SPTBN1: variants seen among roughly 807,000 people sequenced by gnomAD.
SPTBN1 encodes spectrin beta chain, non-erythrocytic 1.
A neutral mutation model predicts 266.4 loss-of-function variants in SPTBN1; 32 were observed. The ratio of observed to expected loss-of-function variants is 0.12; its 90% CI spans 0.09 to 0.16. SPTBN1 has a LOEUF of 0.16. SPTBN1 is among the 10% of genes least tolerant of loss of function. SPTBN1 has a pLI of 1.00. For synonymous variants in SPTBN1, 1,336 were observed against 1,162.2 expected (o/e 1.15, Z -3.04); for missense variants, 2,296 against 3,067.1 (o/e 0.75, Z 5.94).
At chr2:54,520,964 G>A (rs1670401714) in intron 1 of SPTBN1, among the ~76,000 whole-genome samples, 1 of 152,218 alleles carries the variant, frequency 6.6e-6, no homozygotes, top group African/African-American at 2.4e-5. Flanking sequence ...ACCAGGCAGA[G>A]TTCCAAGATG....
Position 54,670,635 on chromosome 2 carries a change from C to G in SPTBN1, c.*2066C>G. On this transcript the variant is annotated 3_prime_UTR_variant, in exon 36 of 36. Transcript: ENST00000356805. The stretch of plus-strand genomic sequence containing the variant: ...GGAAACAATTGTGATTAATTACAGT[C>G]TTGTACTCTTGACAAAGCTGTGCAG... The G allele has an allele frequency of 5.0e-6, 2 of 398,610 alleles. No individual in the cohort carries two copies. The highest frequency in any genetic ancestry group is 3.6e-5 in the East Asian group (1 of 28,086). The allele number at this position is 398,610 out of a possible 1,614,324, so 24.7% of individuals were successfully genotyped here. A position where few individuals can be genotyped will look rare whatever the true frequency, so the allele number is the denominator to read the frequency against.
chr2:54,600,332 G>T (rs935294233), intron 3 of SPTBN1, among the ~76,000 whole-genome samples: 2 of 152,156 alleles, frequency 1.3e-5, no homozygotes, highest in African/African-American at 4.8e-5. Flanking sequence ...AGATAGTGAA[G>T]CCCTGTCTTC....
At chr2:54,481,821 G>A (rs763168800) in intron 1 of SPTBN1, among the ~76,000 whole-genome samples, 16 of 152,134 alleles carry the variant, frequency 1.1e-4, no homozygotes, top group Non-Finnish European at 2.1e-4. Context: ...TTGGAGGTGT[G>A]TTTTATTGTT....
chr2:54,636,410 C>T (rs1356540206), intron 17 of SPTBN1, among the ~76,000 whole-genome samples: 1 of 152,132 alleles, frequency 6.6e-6, no homozygotes, highest in Non-Finnish European at 1.5e-5. Flanking sequence ...TTCTACTGTT[C>T]TGTAGCCACT....
At chr2:54,492,619 T>C (rs986847283) in intron 1 of SPTBN1, among the ~76,000 whole-genome samples, 1 of 152,162 alleles carries the variant, frequency 6.6e-6, no homozygotes, top group South Asian at 2.1e-4. Context: ...GGGGTTTGGT[T>C]TTTACTGAAA....
intron 18 of SPTBN1, among the ~76,000 whole-genome samples, chr2:54,639,857 G>T (rs993599718): frequency 1.1e-4 from 16 of 152,180 alleles, no homozygotes; most frequent in African/African-American, 3.4e-4. Context: ...TTTGGGTGGG[G>T]CTTTTTATGT....
In SPTBN1 at chr2:54,668,545, C is replaced by T. The variant is rs2229505; in HGVS notation, c.7071C>T (p.Phe2357=). Residue 2357 remains phenylalanine (F), a synonymous_variant, in exon 36 of 36, where the codon TTC becomes TTT. Transcript: ENST00000356805. ...KDKEKDKEKR[F]SLFGKKK is the part of the protein sequence containing the mutation. ...AAGAGAAAGACAAAGAGAAGCGGTT[C>T]AGCCTTTTTGGCAAAAAGAAATGAA... is the stretch of plus-strand genomic sequence containing the variant. 6.8e-3 allele frequency: 11,005 copies of T among 1,613,860 alleles called. 438 individuals are homozygous for T. The African/African-American group carries it at 0.1, about 15-fold the overall frequency.
At chr2:54,625,007 T>G in intron 11 of SPTBN1, 45 bp downstream of exon 11, 1 of 1,528,338 alleles carries the variant, frequency 6.5e-7, no homozygotes, top group Non-Finnish European at 8.8e-7. Flanking sequence ...TAGGGTAATC[T>G]AGAAACACAG....
intron 1 of SPTBN1, among the ~76,000 whole-genome samples, chr2:54,485,022 T>TA (rs1668279797): frequency 6.6e-6 from 1 of 152,240 alleles, no homozygotes; most frequent in Non-Finnish European, 1.5e-5. Context: ...GAAGGATTCT[T>TA]ATCACACAGT....
chr2:54,485,799 C>T (rs377619607), intron 1 of SPTBN1, among the ~76,000 whole-genome samples: 18,346 of 150,560 alleles, frequency 0.12, 1,300 homozygotes, highest in Non-Finnish European at 0.17. Flanking sequence ...CGTCTCTGCC[C>T]GGCCGCCCGT....
chr2:54,471,057 C>A (rs1450548369), intron 1 of SPTBN1, among the ~76,000 whole-genome samples: 1 of 152,130 alleles, frequency 6.6e-6, no homozygotes, highest in Non-Finnish European at 1.5e-5. Flanking sequence ...AGATTAGACA[C>A]CCCTGCTTTA....
chr2:54,503,579 C>G (rs1228486385), intron 1 of SPTBN1, among the ~76,000 whole-genome samples: 1 of 152,216 alleles, frequency 6.6e-6, no homozygotes, highest in Admixed American at 6.5e-5. Context: ...AGCGACCATC[C>G]TTGTAGGTCA....
In SPTBN1 at chr2:54,658,174, A is replaced by T. The variant is rs538196551; in HGVS notation, c.6243+128A>T. On this transcript the variant is annotated intron_variant, in intron 30 of 35. Coordinates refer to ENST00000356805, the MANE Select transcript of SPTBN1 (RefSeq NM_003128.3). ...TTTGGGTTTTTTTCAAGTAGTGAAG[A>T]TCATCTTAAAATGGGTGGCTCCTGT... is the stretch of plus-strand genomic sequence containing the variant. The T allele has an allele frequency of 3.9e-4, 465 of 1,196,104 alleles. 11 individuals are homozygous for T. The South Asian group carries it at 6.6e-3, about 17-fold the overall frequency. The allele number at this position is 1,196,104 out of a possible 1,614,324, so 74.1% of individuals were successfully genotyped here. A position where few individuals can be genotyped will look rare whatever the true frequency, so the allele number is the denominator to read the frequency against.
chr2:54,581,040 G>A (rs1573460764), intron 2 of SPTBN1, among the ~76,000 whole-genome samples: 1 of 151,920 alleles, frequency 6.6e-6, no homozygotes, highest in South Asian at 2.1e-4. Flanking sequence ...GGAGGTTGCA[G>A]TGAGCCACGA....
intron 2 of SPTBN1, among the ~76,000 whole-genome samples, chr2:54,547,145 G>A (rs1202166573): frequency 6.6e-6 from 1 of 151,944 alleles, no homozygotes; most frequent in African/African-American, 2.4e-5. Flanking sequence ...CCCAGCTCCT[G>A]GCAACCACCA....
At chr2:54,562,722 G>GTGTGTGTGTC (rs1042017079) in intron 2 of SPTBN1, among the ~76,000 whole-genome samples, 4 of 150,250 alleles carry the variant, frequency 2.7e-5, no homozygotes, top group African/African-American at 9.9e-5. Context: ...GTGTGTGTGT[G>GTGTGTGTGTC]TGTGTGTGTG....
chr2:54,472,182 C>A (rs1184429298), intron 1 of SPTBN1, among the ~76,000 whole-genome samples: 1 of 151,888 alleles, frequency 6.6e-6, no homozygotes, highest in Non-Finnish European at 1.5e-5. Flanking sequence ...CACCCACCAC[C>A]ACGCCCAGCT....
intron 2 of SPTBN1, among the ~76,000 whole-genome samples, chr2:54,548,207 C>T (rs1017094257): frequency 2.0e-5 from 3 of 152,112 alleles, no homozygotes; most frequent in Non-Finnish European, 4.4e-5. Flanking sequence ...TTTTAAGTGC[C>T]TCCTGAGTAG....
intron 2 of SPTBN1, among the ~76,000 whole-genome samples, chr2:54,542,997 G>T (rs775765529): frequency 4.6e-5 from 7 of 152,156 alleles, no homozygotes; most frequent in Admixed American, 6.5e-5. Context: ...AAACTGTATG[G>T]GCCCTGAGGC....
Sources: allele counts gnomAD v4.1 joint callset (sites outside exome capture counted in the v4.1 genomes callset), GRCh38; gene constraint gnomAD v4.1.1; transcripts MANE v1.5; gene names NCBI Gene and HGNC (gene_info 2026-07-23, HGNC 2026-07-21).